The following CLYBL variants were observed in gnomAD, a reference collection of about 807,000 sequenced individuals.
CLYBL encodes citramalyl-CoA lyase, mitochondrial.
Under a neutral mutation model 38.9 loss-of-function variants are expected in CLYBL, and 31 were observed. The ratio of observed to expected loss-of-function variants is 0.80; its 90% CI spans 0.60 to 1.08. The LOEUF (loss-of-function observed/expected upper bound fraction) is 1.08. CLYBL is among the 50% of genes least tolerant of loss of function. The pLI, the probability that CLYBL is intolerant of heterozygous loss-of-function variation, is 0.00. For missense variants in CLYBL, 434 were observed against 411.6 expected (o/e 1.05, Z -0.47); for synonymous variants, 171 against 158.6 (o/e 1.08, Z -0.59).
chr13:99,713,969 G>A (rs2048274431), intron 1 of CLYBL, among the ~76,000 whole-genome samples: 1 of 148,854 alleles, frequency 6.7e-6, no homozygotes, highest in Non-Finnish European at 1.5e-5. Context: ...ACAGGTGTGA[G>A]TACATGGCAC....
At chr13:99,681,722 G>A (rs2047736980) in intron 1 of CLYBL, among the ~76,000 whole-genome samples, 1 of 152,054 alleles carries the variant, frequency 6.6e-6, no homozygotes, top group African/African-American at 2.4e-5. Context: ...GAGTAGCTGG[G>A]GTTACAGGCA....
intron 2 of CLYBL, among the ~76,000 whole-genome samples, chr13:99,817,900 A>G (rs2050493269): frequency 6.6e-6 from 1 of 151,912 alleles, no homozygotes; most frequent in Admixed American, 6.6e-5. Context: ...GCTACATGGG[A>G]GTCTGAGGCA....
chr13:99,726,841 A>G (rs1414547743), intron 1 of CLYBL, among the ~76,000 whole-genome samples: 1 of 152,104 alleles, frequency 6.6e-6, no homozygotes, highest in African/African-American at 2.4e-5. Flanking sequence ...GTGCCACAAA[A>G]AAGGCGTGCA....
chr13:99,756,651 T>G (rs1471670745), intron 1 of CLYBL, among the ~76,000 whole-genome samples: 1 of 152,200 alleles, frequency 6.6e-6, no homozygotes, highest in Non-Finnish European at 1.5e-5. Flanking sequence ...AGTGTTAGTG[T>G]ATTTTATGTG....
chr13:99,671,031 G>A (rs1276218923), intron 1 of CLYBL, among the ~76,000 whole-genome samples: 2 of 152,082 alleles, frequency 1.3e-5, no homozygotes, highest in Non-Finnish European at 1.5e-5. Context: ...TCCCTTGTCC[G>A]CTGCCCTTAT....
intron 2 of CLYBL, among the ~76,000 whole-genome samples, chr13:99,823,921 T>A (rs1437284433): frequency 6.6e-6 from 1 of 152,248 alleles, no homozygotes; most frequent in Non-Finnish European, 1.5e-5. Flanking sequence ...TTTTGCCTGA[T>A]TTCTGAGTCG....
intron 2 of CLYBL, among the ~76,000 whole-genome samples, chr13:99,806,361 A>C (rs938087701): frequency 6.6e-6 from 1 of 152,054 alleles, no homozygotes; most frequent in Non-Finnish European, 1.5e-5. Context: ...TTGTTGCCTT[A>C]ATTAGTTTTT....
chr13:99,863,744 C>T (rs2051668591), intron 4 of CLYBL, among the ~76,000 whole-genome samples: 3 of 152,140 alleles, frequency 2.0e-5, no homozygotes, highest in Admixed American at 2.0e-4. Flanking sequence ...TATTATTTTC[C>T]AAAATATGCC....
intron 2 of CLYBL, among the ~76,000 whole-genome samples, chr13:99,836,135 C>T (rs555211293): frequency 5.9e-5 from 9 of 152,206 alleles, no homozygotes; most frequent in East Asian, 3.9e-4. Flanking sequence ...TTTCTCCTGG[C>T]GCTGCTTGGA....
rs534492683 is a variant in CLYBL, at chr13:99,870,868, G to A, written c.803-70G>A. 1.7e-5 allele frequency: 26 copies of A among 1,512,856 alleles called. 1 individual carries two copies. The highest frequency in any genetic ancestry group is 3.6e-4 in the Middle Eastern group (2 of 5,602). 93.7% of individuals were successfully genotyped at this position (1,512,856 alleles called of 1,614,324 possible). A position where few individuals can be genotyped will look rare whatever the true frequency, so the allele number is the denominator to read the frequency against. ...TCTATGAGGCCTTCAGGAACCTCAC[G>A]CGATAGAAACATTTTGTTTGAACAT... On this transcript the variant is annotated intron_variant, in intron 6 of 8. Coordinates refer to ENST00000339105, the MANE Select transcript of CLYBL (RefSeq NM_206808.5).
downstream of CLYBL, among the ~76,000 whole-genome samples, chr13:99,899,620 G>A (rs1030077421): frequency 1.3e-5 from 2 of 152,144 alleles, no homozygotes; most frequent in South Asian, 2.1e-4. Flanking sequence ...ACAACGATAC[G>A]AATGTACTTA....
intron 2 of CLYBL, among the ~76,000 whole-genome samples, chr13:99,832,880 G>A (rs1295402048): frequency 2.0e-5 from 3 of 147,672 alleles, no homozygotes; most frequent in Non-Finnish European, 4.5e-5. Flanking sequence ...AGGAAGAAAA[G>A]AAAAAATAAA....
At chr13:99,855,238 G>T (rs1459876334) in intron 2 of CLYBL, among the ~76,000 whole-genome samples, 2 of 152,152 alleles carry the variant, frequency 1.3e-5, no homozygotes, top group Admixed American at 6.5e-5. Context: ...TTAGAATGCA[G>T]TCCCTCTCAA....
chr13:99,755,293 T>A (rs969535459), intron 1 of CLYBL, among the ~76,000 whole-genome samples: 1 of 152,212 alleles, frequency 6.6e-6, no homozygotes, highest in Non-Finnish European at 1.5e-5. Flanking sequence ...ACAAACCATG[T>A]CATGGCAGCC....
chr13:99,836,907 G>A (rs1163417802), intron 2 of CLYBL, among the ~76,000 whole-genome samples: 1 of 152,030 alleles, frequency 6.6e-6, no homozygotes, highest in Non-Finnish European at 1.5e-5. Context: ...GGGGAAGGGG[G>A]AGGGATAGCA....
At chr13:99,899,897 G>A (rs886164314), downstream of CLYBL, among the ~76,000 whole-genome samples, 10 of 152,108 alleles carry the variant, frequency 6.6e-5, no homozygotes, top group South Asian at 2.1e-4. Context: ...TCTACGCAGC[G>A]AACCCCATTT....
chr13:99,883,106 G>A (rs1459708377), intron 7 of CLYBL, among the ~76,000 whole-genome samples: 1 of 152,202 alleles, frequency 6.6e-6, no homozygotes, highest in Non-Finnish European at 1.5e-5. Context: ...CCAGGAAGGA[G>A]CAAACGTGGG....
intron 2 of CLYBL, among the ~76,000 whole-genome samples, chr13:99,791,871 A>G (rs1679684879): frequency 6.6e-6 from 1 of 152,156 alleles, no homozygotes; most frequent in African/African-American, 2.4e-5. Flanking sequence ...TGACTCTCAC[A>G]GGGTAATATA....
intron 1 of CLYBL, among the ~76,000 whole-genome samples, chr13:99,622,716 C>A (rs1372329518): frequency 6.6e-6 from 1 of 152,234 alleles, no homozygotes; most frequent in Non-Finnish European, 1.5e-5. Flanking sequence ...CTCTCCTCAA[C>A]CCCTGGCAAC....
Sources: allele counts gnomAD v4.1 joint callset (sites outside exome capture counted in the v4.1 genomes callset), GRCh38; gene constraint gnomAD v4.1.1; transcripts MANE v1.5; gene names NCBI Gene and HGNC (gene_info 2026-07-23, HGNC 2026-07-21).